The following GLYATL2 variants were observed in gnomAD, a reference collection of about 807,000 sequenced individuals.
GLYATL2 encodes glycine N-acyltransferase-like protein 2.
Under a neutral mutation model 21.4 loss-of-function variants are expected in GLYATL2, and 25 were observed. That is an observed-to-expected ratio of 1.17 (90% CI 0.85 to 1.63). GLYATL2 has a LOEUF of 1.63. GLYATL2 is among the 40% of genes most tolerant of loss of function. The pLI is 0.00. For missense variants in GLYATL2, 361 were observed against 343.3 expected (o/e 1.05, Z -0.41); for synonymous variants, 114 against 118.2 (o/e 0.96, Z 0.23).
At chr11:58,850,290 A>G (rs1270659568) in intron 1 of GLYATL2, among the ~76,000 whole-genome samples, 1 of 152,128 alleles carries the variant, frequency 6.6e-6, no homozygotes, top group Non-Finnish European at 1.5e-5. Context: ...AGGTTTTATT[A>G]TGAAGGGATG....
upstream of GLYATL2, among the ~76,000 whole-genome samples, chr11:58,905,857 G>A (rs1410558191): frequency 6.6e-6 from 1 of 152,262 alleles, no homozygotes; most frequent in African/African-American, 2.4e-5. Context: ...ACTGTCTGGA[G>A]TGATGCGAAT....
At chr11:58,858,387 T>C (rs1200460465) in intron 1 of GLYATL2, among the ~76,000 whole-genome samples, 1 of 152,226 alleles carries the variant, frequency 6.6e-6, no homozygotes, top group Non-Finnish European at 1.5e-5. Flanking sequence ...TTAACACTTT[T>C]CTGTAACTTT....
intron 4 of GLYATL2, 26 bp downstream of exon 4, chr11:58,837,244 CT>C: frequency 1.2e-6 from 2 of 1,613,030 alleles, no homozygotes; most frequent in South Asian, 2.2e-5. Flanking sequence ...AACCATGGAT[CT>C]TTTTCTTTTA....
At chr11:58,850,231 T>A (rs911750413) in intron 1 of GLYATL2, among the ~76,000 whole-genome samples, 3 of 152,146 alleles carry the variant, frequency 2.0e-5, no homozygotes, top group Non-Finnish European at 4.4e-5. Context: ...CTGTCATATA[T>A]AGCTTTTAAC....
chr11:58,905,353 C>A, upstream of GLYATL2: 1 of 413,414 alleles, frequency 2.4e-6, no homozygotes, highest in South Asian at 1.8e-5. Context: ...TCTGCATCAT[C>A]AGGGTGGAGC....
At chr11:58,907,645 G>A (rs1247165086), upstream of GLYATL2, 1 of 217,480 alleles carries the variant, frequency 4.6e-6, no homozygotes, top group Non-Finnish European at 9.4e-6. Context: ...TAGTCATTGT[G>A]GGTCATATTT....
chr11:58,847,121 G>A (rs529522692), upstream of GLYATL2, among the ~76,000 whole-genome samples: 89 of 152,156 alleles, frequency 5.8e-4, 1 homozygote, highest in South Asian at 2.9e-3. Flanking sequence ...TGAAAAAAAG[G>A]ATCCAGTCCT....
intron 1 of GLYATL2, chr11:58,878,468 G>C: frequency 3.9e-6 from 1 of 254,652 alleles, no homozygotes; most frequent in Non-Finnish European, 7.0e-6. Context: ...ATCGAAACTG[G>C]GTTTGGAGTT....
intron 1 of GLYATL2, among the ~76,000 whole-genome samples, chr11:58,886,282 A>T (rs765017411): frequency 6.6e-6 from 1 of 152,220 alleles, no homozygotes; most frequent in Non-Finnish European, 1.5e-5. Context: ...CTGTGTGTCA[A>T]CTATATGGAA....
At chr11:58,908,679 G>A (rs549950705), upstream of GLYATL2, 1 of 152,390 alleles carries the variant, frequency 6.6e-6, no homozygotes, top group Admixed American at 6.5e-5. Context: ...AATATATTTG[G>A]GGAGCTCATA....
At chr11:58,865,149 C>CA (rs10700735) in intron 1 of GLYATL2, among the ~76,000 whole-genome samples, 27 of 144,594 alleles carry the variant, frequency 1.9e-4, no homozygotes, top group South Asian at 4.4e-4. Context: ...AGTAGTTCTG[C>CA]AAAAAAAAGG....
At chr11:58,838,632 AT>A (rs1445825725) in intron 2 of GLYATL2, among the ~76,000 whole-genome samples, 1 of 152,274 alleles carries the variant, frequency 6.6e-6, no homozygotes, top group East Asian at 1.9e-4. Context: ...TTTCTAAAAA[AT>A]TCATGCCATT....
intron 1 of GLYATL2, among the ~76,000 whole-genome samples, chr11:58,870,740 T>C (rs1854103104): frequency 6.6e-6 from 1 of 152,200 alleles, no homozygotes; most frequent in South Asian, 2.1e-4. Context: ...ACAGAGGAAA[T>C]ACAGGAAGGC....
intron 1 of GLYATL2, among the ~76,000 whole-genome samples, chr11:58,864,301 C>CAGTTTAATTGAGCCCAA (rs1554976172): frequency 6.7e-6 from 1 of 149,734 alleles, no homozygotes; most frequent in Non-Finnish European, 1.5e-5. Flanking sequence ...GAGCATGAAG[C>CAGTTTAATTGAGCCCAA]CACTAGGGCT....
chr11:58,876,661 G>C (rs1854238787), intron 1 of GLYATL2, among the ~76,000 whole-genome samples: 1 of 152,164 alleles, frequency 6.6e-6, no homozygotes, highest in Admixed American at 6.5e-5. Context: ...TTTTGTCTCA[G>C]AGGAGTACCT....
In GLYATL2 at chr11:58,834,163, G is replaced by A. The variant is rs1415840426; in HGVS notation, c.*266C>T. On this transcript the variant is annotated 3_prime_UTR_variant, in exon 6 of 6. Coordinates refer to ENST00000287275, the MANE Select transcript of GLYATL2 (RefSeq NM_145016.4). ...TTTAAGAAAGTGTTGCCGTTAAAGG[G>A]TTATCTTGGCACTAATGATTGGCTT... 1 of 302,366 alleles carries A rather than the reference G, an allele frequency of 3.3e-6. No individual in the cohort carries two copies. The highest frequency in any genetic ancestry group is 5.0e-5 in the Admixed American group (1 of 20,036). 18.7% of individuals were successfully genotyped at this position (302,366 alleles called of 1,614,324 possible).
intron 1 of GLYATL2, among the ~76,000 whole-genome samples, chr11:58,852,964 G>A (rs1165944235): frequency 6.6e-6 from 1 of 152,162 alleles, no homozygotes; most frequent in Non-Finnish European, 1.5e-5. Flanking sequence ...CAATGCTAAT[G>A]AGTAAAGTAT....
chr11:58,863,625 C>T (rs931249683), intron 1 of GLYATL2, among the ~76,000 whole-genome samples: 15 of 152,096 alleles, frequency 9.9e-5, no homozygotes, highest in African/African-American at 3.4e-4. Context: ...GAGCCTGAGA[C>T]CATAGGTGGT....
intron 1 of GLYATL2, among the ~76,000 whole-genome samples, chr11:58,871,261 T>A (rs945935709): frequency 1.3e-5 from 2 of 151,172 alleles, no homozygotes; most frequent in African/African-American, 4.9e-5. Flanking sequence ...GGTAGAATGA[T>A]TTTATTTTAT....
Sources: gnomAD v4.1 joint callset for allele counts (sites outside exome capture counted in the v4.1 genomes callset) on GRCh38, gnomAD v4.1.1 for gene constraint, MANE v1.5 for transcripts, NCBI Gene and HGNC (gene_info 2026-07-23, HGNC 2026-07-21) for gene names.